Variants in NOS1 observed in about 807,000 individuals in gnomAD.
The protein encoded by NOS1 is nitric oxide synthase 1, also known as NOS type I.
NOS1 carries 51 observed loss-of-function variants against 164.5 expected under a neutral mutation model. That is an observed-to-expected ratio of 0.31 (90% CI 0.25 to 0.39). The LOEUF is 0.39. Ranked by LOEUF, NOS1 falls within the 10% of genes least tolerant of loss-of-function variation. NOS1 has a pLI of 1.00. For missense variants in NOS1, 1,362 were observed against 1,885.6 expected, an observed-to-expected ratio of 0.72 and a Z score of 5.14; for synonymous variants, 719 against 745.8, an observed-to-expected ratio of 0.96 and a Z score of 0.59.
chr12:117,275,595 A>G, intron 9 of NOS1, among the ~76,000 whole-genome samples: 1 of 152,198 alleles, frequency 6.6e-6, no homozygotes, highest in East Asian at 1.9e-4. Flanking sequence ...CCACTGTAGG[A>G]TGACTATAGT....
intron 28 of NOS1, 54 bp downstream of exon 28, chr12:117,217,992 G>C: frequency 7.8e-7 from 1 of 1,275,920 alleles, no homozygotes; most frequent in Non-Finnish European, 1.1e-6. Context: ...TGCCCAGTGG[G>C]ACCTAGAAGA....
At chr12:117,252,273 C>T (rs891187580) in intron 17 of NOS1, among the ~76,000 whole-genome samples, 4 of 152,090 alleles carry the variant, frequency 2.6e-5, no homozygotes, top group Admixed American at 6.6e-5. Context: ...TTTCTTTATT[C>T]GGGTTCAAAG....
chr12:117,215,801 T>G (rs1334687166), intron 28 of NOS1, among the ~76,000 whole-genome samples: 2 of 151,864 alleles, frequency 1.3e-5, no homozygotes, highest in Non-Finnish European at 2.9e-5. Flanking sequence ...GGGCTTGTTT[T>G]GAAAGAATGA....
At chr12:117,353,700 T>C (rs1265302556) in intron 1 of NOS1, among the ~76,000 whole-genome samples, 1 of 152,176 alleles carries the variant, frequency 6.6e-6, no homozygotes, top group African/African-American at 2.4e-5. Context: ...AGTCACAAGA[T>C]GAAGTACATG....
chr12:117,216,745 C>T (rs1012110363), intron 28 of NOS1, among the ~76,000 whole-genome samples: 1 of 152,160 alleles, frequency 6.6e-6, no homozygotes, highest in Non-Finnish European at 1.5e-5. Flanking sequence ...TCCCAAAGTG[C>T]TGGGATTATA....
At chr12:117,311,390 C>T (rs1290517660) in intron 3 of NOS1, 76 bp downstream of exon 3, 7 of 1,483,232 alleles carry the variant, frequency 4.7e-6, no homozygotes, top group South Asian at 1.4e-5. Context: ...TAGCTTCCCT[C>T]CCCTCAGCTT....
chr12:117,210,139 A>ATT lies in NOS1; in HGVS notation c.*5168_*5169dup, dbSNP rs146442744. 703 of 290,242 alleles carry ATT rather than the reference A, an allele frequency of 2.4e-3. No homozygotes were observed. Among genetic ancestry groups the ATT allele is most frequent in the Middle Eastern group, 3.4e-3 (2 of 588 alleles). 18.0% of individuals were successfully genotyped at this position (290,242 alleles called of 1,614,324 possible). A position where few individuals can be genotyped will look rare whatever the true frequency, so the allele number is the denominator to read the frequency against. On this transcript the variant is annotated 3_prime_UTR_variant, in exon 29 of 29. Coordinates refer to ENST00000317775, the MANE Select transcript of NOS1 (RefSeq NM_000620.5). ...AGGAGCATGCCATCATGCCCAGCTA[A>ATT]TTTTTTTTTTTTTTTTTTTTTAGTA...
intron 10 of NOS1, 64 bp from the exon 11 acceptor site, chr12:117,268,208 G>T: frequency 3.7e-6 from 4 of 1,074,196 alleles, no homozygotes; most frequent in Non-Finnish European, 5.8e-6. Flanking sequence ...ATTGAAGAGG[G>T]ACAGGGCTAG....
intron 3 of NOS1, among the ~76,000 whole-genome samples, chr12:117,299,988 C>T (rs552268): frequency 0.59 from 88,865 of 151,766 alleles, 27,042 homozygotes; most frequent in African/African-American, 0.74. Context: ...CCTATGATAC[C>T]GCATCATACT....
chr12:117,307,994 A>AAATAATAATAATAATAAT (rs71444617), intron 3 of NOS1, among the ~76,000 whole-genome samples: 1,504 of 149,816 alleles, frequency 0.01, 28 homozygotes, highest in South Asian at 0.081. Flanking sequence ...GTCTCACAAT[A>AAATAATAATAATAATAAT]AATAATAATA....
chr12:117,290,422 G>C lies in NOS1; in HGVS notation c.857C>G (p.Pro286Arg). The C allele has an allele frequency of 6.2e-7, 1 of 1,611,640 alleles. No individual in the cohort carries two copies. Among genetic ancestry groups the C allele is most frequent in the Non-Finnish European group, 8.5e-7 (1 of 1,178,788 alleles). Residue 286 changes from proline (P) to arginine (R), a missense_variant, in exon 4 of 29, where the codon CCC (proline) becomes CGC (arginine). Physicochemically the swap from Pro to Arg is moderately radical, Grantham distance 103. Coordinates refer to ENST00000317775, the MANE Select transcript of NOS1 (RefSeq NM_000620.5). ...NNPYSEKEQP[P>R]TSGKQSPTKN... ...TGTGGGGGACTGTTTTCCTGAGGTG[G>C]GGGGCTGCAGGAGAGAATGAAGGTG...
At chr12:117,267,154 C>A (rs749640001) in intron 11 of NOS1, among the ~76,000 whole-genome samples, 48 of 152,184 alleles carry the variant, frequency 3.2e-4, no homozygotes, top group Non-Finnish European at 5.7e-4. Flanking sequence ...GCTGCCTAGA[C>A]TGGAAGCCCC....
At chr12:117,240,811 G>A (rs896935720) in intron 20 of NOS1, among the ~76,000 whole-genome samples, 1 of 152,214 alleles carries the variant, frequency 6.6e-6, no homozygotes, top group Non-Finnish European at 1.5e-5. Flanking sequence ...CACAGCTAGT[G>A]TGTGGCAGAG....
chr12:117,353,084 C>T (rs1163027806), intron 1 of NOS1, among the ~76,000 whole-genome samples: 1 of 152,024 alleles, frequency 6.6e-6, no homozygotes, highest in African/African-American at 2.4e-5. Flanking sequence ...ACCTACTTAC[C>T]TATCTACCTA....
intron 2 of NOS1, among the ~76,000 whole-genome samples, chr12:117,323,743 A>G (rs1307780481): frequency 6.6e-6 from 1 of 152,042 alleles, no homozygotes; most frequent in Non-Finnish European, 1.5e-5. Context: ...CCATTCCTCC[A>G]GCCATATTCT....
chr12:117,295,478 C>G (rs1873346491), intron 3 of NOS1, among the ~76,000 whole-genome samples: 1 of 152,104 alleles, frequency 6.6e-6, no homozygotes, highest in African/African-American at 2.4e-5. Context: ...ATGTGGCCCA[C>G]AAAGCCAAAA....
At chr12:117,327,327 CG>C (rs1257186232) in intron 2 of NOS1, among the ~76,000 whole-genome samples, 2 of 152,108 alleles carry the variant, frequency 1.3e-5, no homozygotes. Flanking sequence ...GGCAGCCTTT[CG>C]GGAGGGACAC....
At chr12:117,258,241 C>A (rs891350515) in intron 16 of NOS1, among the ~76,000 whole-genome samples, 156 bp downstream of exon 16, 2 of 152,176 alleles carry the variant, frequency 1.3e-5, no homozygotes, top group African/African-American at 4.8e-5. Flanking sequence ...ATATTTGCCC[C>A]AGTAGACTGC....
At chr12:117,359,507 A>C (rs1283890858) in intron 1 of NOS1, among the ~76,000 whole-genome samples, 1 of 152,120 alleles carries the variant, frequency 6.6e-6, no homozygotes, top group Non-Finnish European at 1.5e-5. Flanking sequence ...TCTCGGGAGG[A>C]GAGGTCTGGG....
Sources: gnomAD v4.1 joint callset for allele counts (sites outside exome capture counted in the v4.1 genomes callset) on GRCh38, gnomAD v4.1.1 for gene constraint, MANE v1.5 for transcripts, NCBI Gene and HGNC (gene_info 2026-07-23, HGNC 2026-07-21) for gene names.